Variants in LRFN2 observed in about 807,000 individuals in gnomAD.
LRFN2 encodes leucine-rich repeat and fibronectin type-III domain-containing protein 2.
In LRFN2, 18 loss-of-function variants were observed where a neutral mutation model predicts 37.3. The observed-to-expected ratio is 0.48, with a 90% CI of 0.33 to 0.72. LRFN2 has a LOEUF of 0.72. Among genes scored for constraint, LRFN2 ranks in the 30% least tolerant of loss-of-function variants. The pLI is 0.02. For synonymous variants in LRFN2, 556 were observed against 466.6 expected (o/e 1.19, Z -2.47); for missense variants, 1,006 against 1,060.7 (o/e 0.95, Z 0.72).
intron 1 of LRFN2, among the ~76,000 whole-genome samples, chr6:40,537,622 T>A (rs1766474556): frequency 6.6e-6 from 1 of 152,174 alleles, no homozygotes. Flanking sequence ...CCTCTGGTCC[T>A]GAGCCAAACC....
chr6:40,423,708 G>A (rs1390995147), intron 2 of LRFN2, among the ~76,000 whole-genome samples: 1 of 152,206 alleles, frequency 6.6e-6, no homozygotes. Flanking sequence ...TGTGCCCAGT[G>A]AAATGCAAGG....
intron 1 of LRFN2, among the ~76,000 whole-genome samples, chr6:40,463,243 C>T (rs1051324429): frequency 7.2e-5 from 11 of 152,114 alleles, no homozygotes; most frequent in African/African-American, 2.7e-4. Context: ...ATACTTTGTC[C>T]TAAGTTATAT....
intron 1 of LRFN2, among the ~76,000 whole-genome samples, chr6:40,441,743 G>T (rs116554508): frequency 1.3e-5 from 2 of 152,128 alleles, no homozygotes; most frequent in Non-Finnish European, 2.9e-5. Context: ...GTGTGAGTAC[G>T]TGGGGGCCCT....
At chr6:40,564,311 C>A (rs1229156676) in intron 1 of LRFN2, among the ~76,000 whole-genome samples, 1 of 152,182 alleles carries the variant, frequency 6.6e-6, no homozygotes, top group East Asian at 1.9e-4. Flanking sequence ...ATCCAACCAA[C>A]ACTGATTGAG....
chr6:40,515,266 C>A (rs1041188616), intron 1 of LRFN2, among the ~76,000 whole-genome samples: 1 of 152,066 alleles, frequency 6.6e-6, no homozygotes, highest in African/African-American at 2.4e-5. Context: ...TTGTGGCCAG[C>A]GTCTCCATCC....
intron 2 of LRFN2, among the ~76,000 whole-genome samples, chr6:40,393,874 C>G (rs1158551137): frequency 6.6e-6 from 1 of 152,146 alleles, no homozygotes; most frequent in African/African-American, 2.4e-5. Flanking sequence ...GGAGGGAGAG[C>G]GTTTGCTGCT....
At chr6:40,442,629 C>T (rs974375842) in intron 1 of LRFN2, among the ~76,000 whole-genome samples, 25 of 152,120 alleles carry the variant, frequency 1.6e-4, no homozygotes, top group Non-Finnish European at 5.9e-5. Context: ...ACTAGGGCTC[C>T]CTGAGGATGG....
chr6:40,435,070 G>T (rs1425054436), intron 1 of LRFN2, among the ~76,000 whole-genome samples: 76 of 136,890 alleles, frequency 5.6e-4, no homozygotes, highest in African/African-American at 1.9e-3. Context: ...GAGAGAGAGA[G>T]AGAGAGAGAG....
At chr6:40,534,302 CTT>C (rs973166645) in intron 1 of LRFN2, among the ~76,000 whole-genome samples, 1 of 152,098 alleles carries the variant, frequency 6.6e-6, no homozygotes, top group Non-Finnish European at 1.5e-5. Context: ...GTCATGGACT[CTT>C]ATGAGAAATG....
At chr6:40,499,194 C>T (rs1765310929) in intron 1 of LRFN2, among the ~76,000 whole-genome samples, 2 of 152,166 alleles carry the variant, frequency 1.3e-5, no homozygotes, top group Admixed American at 6.5e-5. Context: ...CTCCATCCCT[C>T]CCTATTGGGC....
intron 1 of LRFN2, among the ~76,000 whole-genome samples, chr6:40,469,063 G>C (rs1424048391): frequency 6.6e-6 from 1 of 152,152 alleles, no homozygotes; most frequent in African/African-American, 2.4e-5. Flanking sequence ...TGATTGTCCT[G>C]GATTACCCGG....
intron 2 of LRFN2, among the ~76,000 whole-genome samples, chr6:40,409,381 T>G (rs543088250): frequency 3.3e-4 from 51 of 152,320 alleles, no homozygotes; most frequent in African/African-American, 1.2e-3. Context: ...TTTTCTCACT[T>G]GCAAAATGGG....
chr6:40,464,289 C>T (rs1482692488), intron 1 of LRFN2, among the ~76,000 whole-genome samples: 1 of 152,130 alleles, frequency 6.6e-6, no homozygotes, highest in African/African-American at 2.4e-5. Flanking sequence ...TTAATTATAG[C>T]AGTGCTATGG....
intron 1 of LRFN2, among the ~76,000 whole-genome samples, chr6:40,525,201 C>G (rs1480718538): frequency 6.6e-6 from 1 of 152,206 alleles, no homozygotes; most frequent in East Asian, 1.9e-4. Flanking sequence ...GAGCAGGACA[C>G]AGGAGCATTC....
Position 40,431,859 on chromosome 6 carries a change from T to G in LRFN2, c.1255A>C (p.Lys419Gln), listed in dbSNP as rs765368548. The G allele has an allele frequency of 1.3e-6, 2 of 1,591,936 alleles. No individual in the cohort carries two copies. Among genetic ancestry groups the G allele is most frequent in the Non-Finnish European group, 1.7e-6 (2 of 1,167,462 alleles). Residue 419 changes from lysine (K) to glutamine (Q), a missense_variant, in exon 2 of 3, where the codon AAA becomes CAA. Lys to Gln is a moderately conservative substitution (Grantham distance 53). This residue lies in a region of LRFN2 where 303 missense variants were observed against 299.8 expected (regional missense o/e 1.01). Coordinates refer to ENST00000338305, the MANE Select transcript of LRFN2 (RefSeq NM_020737.3). ...AGCACAGCCCGTTCCGGGGGGCTTT[T>G]GGGAGGCTCTCCGCCCCCACTGCCT... ...GGGSGGGEPP[K>Q]SPPERAVLVS... is the part of the protein sequence containing the mutation.
intron 2 of LRFN2, among the ~76,000 whole-genome samples, chr6:40,393,783 G>C (rs937061183): frequency 6.6e-6 from 1 of 152,266 alleles, no homozygotes; most frequent in Middle Eastern, 3.4e-3. Flanking sequence ...TCTGGACCAG[G>C]TGCTGTGCTG....
chr6:40,393,705 C>T (rs964505922), intron 2 of LRFN2, among the ~76,000 whole-genome samples: 1 of 152,194 alleles, frequency 6.6e-6, no homozygotes, highest in Admixed American at 6.5e-5. Flanking sequence ...CACCCCGAGG[C>T]TTGCTCCAGC....
At chr6:40,502,806 T>C (rs1765421373) in intron 1 of LRFN2, among the ~76,000 whole-genome samples, 1 of 152,226 alleles carries the variant, frequency 6.6e-6, no homozygotes, top group Non-Finnish European at 1.5e-5. Flanking sequence ...CCTGCCCCCA[T>C]ACAGCTTAGA....
chr6:40,541,841 GAC>G (rs1204958556), intron 1 of LRFN2, among the ~76,000 whole-genome samples: 1 of 152,170 alleles, frequency 6.6e-6, no homozygotes, highest in East Asian at 1.9e-4. Context: ...CCTCCCCATA[GAC>G]ACATGCCCAA....
Sources: allele counts gnomAD v4.1 joint callset (sites outside exome capture counted in the v4.1 genomes callset), GRCh38; gene constraint gnomAD v4.1.1; regional missense constraint gnomAD v4.1.1; transcripts MANE v1.5; gene names NCBI Gene and HGNC (gene_info 2026-07-23, HGNC 2026-07-21).